The following KAZN variants were observed in gnomAD, a reference collection of about 807,000 sequenced individuals.
The protein encoded by KAZN is kazrin, periplakin interacting protein, also known as kazrin.
A neutral mutation model predicts 87.4 loss-of-function variants in KAZN; 40 were observed. The ratio of observed to expected loss-of-function variants is 0.46; its 90% confidence interval spans 0.36 to 0.60. The LOEUF (loss-of-function observed/expected upper bound fraction) is 0.60. KAZN is among the 20% of genes least tolerant of loss of function. The probability of loss-of-function intolerance (pLI) is 0.00; values close to 1 mark genes in which losing one functional copy is unlikely to be tolerated. For missense variants in KAZN, 898 were observed against 1,073.9 expected (o/e 0.84, Z 2.29); for synonymous variants, 466 against 458.3 (o/e 1.02, Z -0.22).
chr1:13,968,284 A>G (rs1421519172), intron 1 of KAZN, among the ~76,000 whole-genome samples: 1 of 152,180 alleles, frequency 6.6e-6, no homozygotes. Flanking sequence ...GATTTAAATC[A>G]GGGTGCTTTC....
intron 1 of KAZN, among the ~76,000 whole-genome samples, chr1:14,119,432 G>C (rs1644703823): frequency 6.6e-6 from 1 of 152,188 alleles, no homozygotes; most frequent in Non-Finnish European, 1.5e-5. Context: ...AGCTGCTCAG[G>C]TGTGCCTGTG....
intron 2 of KAZN, among the ~76,000 whole-genome samples, chr1:14,373,687 C>G (rs1250860404): frequency 6.6e-6 from 1 of 152,178 alleles, no homozygotes; most frequent in Non-Finnish European, 1.5e-5. Context: ...TCTTCTTTTT[C>G]TAGGGAAAGG....
chr1:13,999,376 AAAAAAC>A (rs1570489166), intron 1 of KAZN, among the ~76,000 whole-genome samples: 1 of 149,026 alleles, frequency 6.7e-6, no homozygotes, highest in Admixed American at 6.6e-5. Context: ...ACAAAAAACA[AAAAAAC>A]AAACAAAAAA....
chr1:14,013,603 A>C (rs1353032916), intron 1 of KAZN, among the ~76,000 whole-genome samples: 1 of 152,172 alleles, frequency 6.6e-6, no homozygotes, highest in Non-Finnish European at 1.5e-5. Context: ...AGGCACCAGA[A>C]AGGAAGGGTT....
At chr1:14,711,254 C>T (rs2148820921) in intron 1 of KAZN, among the ~76,000 whole-genome samples, 1 of 152,066 alleles carries the variant, frequency 6.6e-6, no homozygotes, top group Non-Finnish European at 1.5e-5. Flanking sequence ...CACCTGTAGT[C>T]CCAGCCACTT....
intron 1 of KAZN, among the ~76,000 whole-genome samples, chr1:14,799,476 T>C (rs981846749): frequency 1.3e-5 from 2 of 152,340 alleles, no homozygotes; most frequent in South Asian, 4.1e-4. Flanking sequence ...CTCTTTAGAA[T>C]ATTGACGTGG....
intron 2 of KAZN, among the ~76,000 whole-genome samples, chr1:14,487,992 T>C (rs999677336): frequency 1.3e-5 from 2 of 152,240 alleles, no homozygotes; most frequent in Admixed American, 6.5e-5. Context: ...AGGAGAGGTC[T>C]GTAGACTGGA....
At position 14,277,673 on chromosome 1, in the gene KAZN, A is replaced by G. The variant is rs529561626; in HGVS notation, c.249+97081A>G. Among the ~76,000 whole-genome samples, 746 of 151,672 alleles carry G rather than the reference A, an allele frequency of 4.9e-3. 4 individuals carry two copies. The highest frequency in any genetic ancestry group is 0.017 in the African/African-American group (704 of 41,372). On this transcript the variant is annotated intron_variant, in intron 2 of 16. Transcript: ENST00000636203. ...CGAGACTCCCTCTTGAAAAAAAAAA[A>G]AAAAGAAAAAAGAAAGAACAGGAAC... is the stretch of plus-strand genomic sequence containing the variant.
upstream of KAZN, among the ~76,000 whole-genome samples, chr1:14,597,363 AG>A (rs1676579020): frequency 6.6e-6 from 1 of 152,160 alleles, no homozygotes; most frequent in African/African-American, 2.4e-5. Context: ...TCCACAGAAA[AG>A]GGGGGAGAAA....
At chr1:13,981,089 T>TCTATATATATATATATATATATA (rs1553181094) in intron 1 of KAZN, among the ~76,000 whole-genome samples, 2 of 63,134 alleles carry the variant, frequency 3.2e-5, no homozygotes, top group South Asian at 4.8e-4. Context: ...AAATTACTCT[T>TCTATATATATATATATATATATA]TATATATATA....
At chr1:14,165,445 G>A (rs1645805046) in intron 1 of KAZN, among the ~76,000 whole-genome samples, 1 of 151,996 alleles carries the variant, frequency 6.6e-6, no homozygotes, top group Non-Finnish European at 1.5e-5. Context: ...TGAACTGCTG[G>A]CAGTGAGCCT....
chr1:14,883,310 A>AGAGAGAGAGAGAGAG (rs1653552012), intron 1 of KAZN, among the ~76,000 whole-genome samples: 2 of 49,396 alleles, frequency 4.0e-5, no homozygotes, highest in African/African-American at 1.2e-4. Flanking sequence ...GAAAGAAAGA[A>AGAGAGAGAGAGAGAG]AGAAAGAAAG....
At chr1:14,251,712 G>C (rs961063418) in intron 2 of KAZN, among the ~76,000 whole-genome samples, 3 of 139,504 alleles carry the variant, frequency 2.2e-5, no homozygotes, top group African/African-American at 8.3e-5. Flanking sequence ...GCAGTGGCAT[G>C]ATCATGGCTC....
chr1:14,444,646 C>T (rs938076368), intron 2 of KAZN, among the ~76,000 whole-genome samples: 3 of 152,116 alleles, frequency 2.0e-5, no homozygotes, highest in African/African-American at 7.2e-5. Flanking sequence ...GTGCTCGCTT[C>T]AATTCACCCC....
At chr1:14,528,068 T>C (rs1273106696) in intron 2 of KAZN, among the ~76,000 whole-genome samples, 1 of 151,984 alleles carries the variant, frequency 6.6e-6, no homozygotes, top group Non-Finnish European at 1.5e-5. Flanking sequence ...CCTACCTATC[T>C]ATCTTCCTCT....
chr1:14,381,766 A>T (rs529868233), intron 2 of KAZN, among the ~76,000 whole-genome samples: 1 of 152,356 alleles, frequency 6.6e-6, no homozygotes, highest in African/African-American at 2.4e-5. Flanking sequence ...GATCAGGAAC[A>T]CAACAAGGAT....
intron 2 of KAZN, among the ~76,000 whole-genome samples, chr1:14,388,943 TACCCATTTC>T (rs1480731260): frequency 1.3e-5 from 2 of 152,046 alleles, no homozygotes; most frequent in African/African-American, 4.8e-5. Flanking sequence ...TATTTCAAAC[TACCCATTTC>T]ACAAGGGATT....
chr1:14,130,222 T>C (rs1369868359), intron 1 of KAZN, among the ~76,000 whole-genome samples: 1 of 152,188 alleles, frequency 6.6e-6, no homozygotes, highest in Non-Finnish European at 1.5e-5. Context: ...AGCATGGTAT[T>C]GTGGTCTCTC....
chr1:14,071,608 G>A (rs1557451057), intron 1 of KAZN, among the ~76,000 whole-genome samples: 1 of 152,228 alleles, frequency 6.6e-6, no homozygotes, highest in Non-Finnish European at 1.5e-5. Flanking sequence ...GCTCTGGGAA[G>A]ATGGGGGCAG....
Sources: gnomAD v4.1 joint callset for allele counts (sites outside exome capture counted in the v4.1 genomes callset) on GRCh38, gnomAD v4.1.1 for gene constraint, MANE v1.5 for transcripts, NCBI Gene and HGNC (gene_info 2026-07-23, HGNC 2026-07-21) for gene names.